Variants in TENT4B observed in about 807,000 individuals in gnomAD.
The protein encoded by TENT4B is PAP associated domain containing 5.
TENT4B carries 10 observed loss-of-function variants against 75.0 expected under a neutral mutation model. The observed-to-expected ratio is 0.13, with a 90% CI of 0.08 to 0.23. The LOEUF (loss-of-function observed/expected upper bound fraction) is 0.23, where lower values mean the gene tolerates loss of function less well. Among genes scored for constraint, TENT4B ranks in the 10% least tolerant of loss-of-function variants. The pLI is 1.00. For missense variants in TENT4B, 579 were observed against 893.8 expected, an observed-to-expected ratio of 0.65 and a Z score of 4.49; for synonymous variants, 350 against 357.7, an observed-to-expected ratio of 0.98 and a Z score of 0.24.
At chr16:50,190,602 T>A (rs1461956068) in intron 1 of TENT4B, among the ~76,000 whole-genome samples, 1 of 152,234 alleles carries the variant, frequency 6.6e-6, no homozygotes, top group East Asian at 1.9e-4. Flanking sequence ...TGTTGCAGCA[T>A]GTTTCAATAC....
At chr16:50,179,475 G>A (rs1487165869) in intron 1 of TENT4B, among the ~76,000 whole-genome samples, 1 of 152,094 alleles carries the variant, frequency 6.6e-6, no homozygotes, top group African/African-American at 2.4e-5. Context: ...CTAATGTTCA[G>A]TTAAGATTTC....
At chr16:50,201,717 C>T (rs1302105176) in intron 1 of TENT4B, among the ~76,000 whole-genome samples, 3 of 151,384 alleles carry the variant, frequency 2.0e-5, no homozygotes, top group Non-Finnish European at 2.9e-5. Context: ...GTAGTGCGCA[C>T]CTGTAATTTC....
At position 50,228,099 on chromosome 16, in the gene TENT4B, C is replaced by T. The variant is rs771250906; in HGVS notation, c.1965+96C>T. ...ATATGCAGCATGGGTTTGAAGAAAA[C>T]GCTAGATTGAAGAACAAACTTATTT... On this transcript the variant is annotated intron_variant, in intron 11 of 11. Coordinates refer to ENST00000561678, the MANE Select transcript of TENT4B (RefSeq NM_001365324.3). The T allele has an allele frequency of 4.4e-5, 63 of 1,421,094 alleles. 1 individual carries two copies. The highest frequency in any genetic ancestry group is 2.2e-4 in the Middle Eastern group (1 of 4,460). 88.0% of individuals were successfully genotyped at this position (1,421,094 alleles called of 1,614,324 possible). A position where few individuals can be genotyped will look rare whatever the true frequency, so the allele number is the denominator to read the frequency against.
intron 1 of TENT4B, among the ~76,000 whole-genome samples, chr16:50,196,486 A>G (rs1234662162): frequency 1.1e-5 from 1 of 87,800 alleles, no homozygotes; most frequent in African/African-American, 4.1e-5. Context: ...TTAGTTTATC[A>G]TTATCATCAT....
chr16:50,153,141 G>A, upstream of TENT4B: 2 of 728,286 alleles, frequency 2.7e-6, no homozygotes, highest in Non-Finnish European at 3.6e-6. Flanking sequence ...GGGCTGCTGC[G>A]CGGCGCAGCG....
In TENT4B at chr16:50,234,788, T is replaced by A. The variant is rs992219390; in HGVS notation, c.*5460T>A. The stretch of plus-strand genomic sequence containing the variant: ...GAAAAGTGAGGGACGACCAGTGTAG[T>A]TTCTGGATATAAAGTGTGAAGGACT... On this transcript the variant is annotated 3_prime_UTR_variant, in exon 12 of 12. Coordinates refer to ENST00000561678, the MANE Select transcript of TENT4B (RefSeq NM_001365324.3). 1.0e-6 allele frequency: 1 copy of A among 985,356 alleles called. No homozygotes were observed. Among genetic ancestry groups the A allele is most frequent in the East Asian group, 1.1e-4 (1 of 8,828 alleles). The allele number at this position is 985,356 out of a possible 1,614,324, so 61.0% of individuals were successfully genotyped here.
chr16:50,186,737 C>T (rs1315106938), intron 1 of TENT4B, among the ~76,000 whole-genome samples: 2 of 151,888 alleles, frequency 1.3e-5, no homozygotes, highest in African/African-American at 4.8e-5. Flanking sequence ...CCATAAGGTC[C>T]TTTGCACTTT....
chr16:50,155,518 TG>T (rs1317990724), intron 1 of TENT4B, among the ~76,000 whole-genome samples: 3 of 152,106 alleles, frequency 2.0e-5, no homozygotes, highest in South Asian at 2.1e-4. Context: ...AATGAGTTGG[TG>T]GGTTCCATCT....
chr16:50,187,612 G>C (rs151215242), intron 1 of TENT4B, among the ~76,000 whole-genome samples: 118 of 152,242 alleles, frequency 7.8e-4, no homozygotes, highest in Non-Finnish European at 1.4e-3. Context: ...TCAAACTTGA[G>C]TCTTTTGCCT....
chr16:50,194,227 T>TC (rs2030055736), intron 1 of TENT4B, among the ~76,000 whole-genome samples: 1 of 151,122 alleles, frequency 6.6e-6, no homozygotes, highest in African/African-American at 2.4e-5. Context: ...TTTTTTTTTT[T>TC]TTCTCTGAGA....
intron 1 of TENT4B, among the ~76,000 whole-genome samples, chr16:50,162,039 A>G (rs553092693): frequency 2.0e-5 from 3 of 152,334 alleles, no homozygotes; most frequent in East Asian, 3.8e-4. Context: ...AGAATGTTAT[A>G]TAAATGGAAT....
In TENT4B at chr16:50,227,986, A is replaced by G. The variant is rs1195788207; in HGVS notation, c.1948A>G (p.Ser650Gly). ...CACCCAAACCACTAACACATCCAAC[A>G]GCACCAACAAATCTCAGGTGTGTGG... ...QSTQTTNTSN[S>G]TNKSQHGSAR... The change falls in exon 11 of 12, where the codon AGC becomes GGC. Residue 650 changes from serine to glycine, a missense_variant. By Grantham distance (56) the Ser-to-Gly change is moderately conservative (BLOSUM62 0). Transcript: ENST00000561678. The G allele has an allele frequency of 5.0e-6, 8 of 1,613,898 alleles. No individual in the cohort carries two copies. Among genetic ancestry groups the G allele is most frequent in the Non-Finnish European group, 6.8e-6 (8 of 1,179,892 alleles).
chr16:50,155,525 C>T (rs185307706), intron 1 of TENT4B, among the ~76,000 whole-genome samples: 4 of 152,140 alleles, frequency 2.6e-5, no homozygotes, highest in Non-Finnish European at 4.4e-5. Context: ...TGGTGGGTTC[C>T]ATCTGCTTCC....
intron 1 of TENT4B, among the ~76,000 whole-genome samples, chr16:50,196,967 G>C (rs1343087416): frequency 6.6e-6 from 1 of 151,568 alleles, no homozygotes; most frequent in African/African-American, 2.4e-5. Context: ...CTTTAAGCAG[G>C]ATGTGGGCAC....
rs1361292011 is a variant in TENT4B at position 50,154,363 on chromosome 16, CG to C, written c.638+106del. ...GAGGGTCTAGGAGCGGCCACCCCCA[CG>C]GCCTGCCTTCGCTGCTGTTGCACGG... On this transcript the variant is annotated intron_variant, in intron 1 of 11. Transcript: ENST00000561678. The C allele has an allele frequency of 3.7e-6, 5 of 1,336,966 alleles. No homozygotes were observed. In the African/African-American group the frequency reaches 7.7e-5, roughly 21 times the overall value. 82.8% of individuals were successfully genotyped at this position (1,336,966 alleles called of 1,614,324 possible). A position where few individuals can be genotyped will look rare whatever the true frequency, so the allele number is the denominator to read the frequency against.
rs139275777 is a variant in TENT4B, at chr16:50,207,899, A to G, written c.639-3424A>G. 8.9e-4 allele frequency among the ~76,000 whole-genome samples: 135 copies of G among 152,356 alleles called. 1 individual carries two copies. The highest frequency in any genetic ancestry group is 3.2e-3 in the African/African-American group (135 of 41,580). Reference sequence around the variant, plus strand: ...TTTTAAGTGCCTGAATATGCAAGGCACTGTGCCAGTAAAATTACTCAGTCC... The same window carrying G: ...TTTTAAGTGCCTGAATATGCAAGGCGCTGTGCCAGTAAAATTACTCAGTCC... On this transcript the variant is annotated intron_variant, in intron 1 of 11. Coordinates refer to ENST00000561678, the MANE Select transcript of TENT4B (RefSeq NM_001365324.3).
At chr16:50,157,346 C>T (rs1252228090) in intron 1 of TENT4B, among the ~76,000 whole-genome samples, 1 of 152,226 alleles carries the variant, frequency 6.6e-6, no homozygotes, top group Non-Finnish European at 1.5e-5. Context: ...CTCCTCTGAA[C>T]TCTCAAAGGT....
At position 50,232,490 on chromosome 16, in the gene TENT4B, C is replaced by T; in HGVS notation, c.*3162C>T. 2 of 985,336 alleles carry T rather than the reference C, an allele frequency of 2.0e-6. No homozygotes were observed. The highest frequency in any genetic ancestry group is 1.2e-6 in the Non-Finnish European group (1 of 829,942). 61.0% of individuals were successfully genotyped at this position (985,336 alleles called of 1,614,324 possible). On this transcript the variant is annotated 3_prime_UTR_variant, in exon 12 of 12. Coordinates refer to ENST00000561678, the MANE Select transcript of TENT4B (RefSeq NM_001365324.3). ...GAGCATTTTTAATTGTCTTTTTCTG[C>T]TGGAACCTTATATCTCTCCATGTGT...
At chr16:50,184,629 T>C (rs1451487911) in intron 1 of TENT4B, among the ~76,000 whole-genome samples, 1 of 151,658 alleles carries the variant, frequency 6.6e-6, no homozygotes, top group Non-Finnish European at 1.5e-5. Flanking sequence ...ATGGCGCCAC[T>C]GCACTCCAGC....
Sources: allele counts gnomAD v4.1 joint callset (sites outside exome capture counted in the v4.1 genomes callset), GRCh38; gene constraint gnomAD v4.1.1; transcripts MANE v1.5; gene names NCBI Gene and HGNC (gene_info 2026-07-23, HGNC 2026-07-21).